Variants in WARS2 observed in about 807,000 individuals in gnomAD.
The protein encoded by WARS2 is tryptophan--tRNA ligase, mitochondrial.
A neutral mutation model predicts 36.5 loss-of-function variants in WARS2; 28 were observed. The observed-to-expected ratio is 0.77, with a 90% confidence interval of 0.57 to 1.05. The LOEUF is 1.05. WARS2 is among the 50% of genes least tolerant of loss of function. The pLI is 0.00. For missense variants in WARS2, 435 were observed against 456.8 expected (o/e 0.95, Z 0.44); for synonymous variants, 174 against 178.4 (o/e 0.98, Z 0.20).
chr1:119,131,700 A>G (rs1656126737), intron 1 of WARS2, among the ~76,000 whole-genome samples: 1 of 151,986 alleles, frequency 6.6e-6, no homozygotes. Context: ...TGACCTCGTG[A>G]TCTGCCCGCC....
chr1:119,140,609 G>T lies in WARS2; in HGVS notation c.36C>A (p.Arg12=). 1.2e-6 allele frequency: 2 copies of T among 1,613,948 alleles called. No individual in the cohort carries two copies. The highest frequency in any genetic ancestry group is 8.5e-7 in the Non-Finnish European group (1 of 1,179,888). Residue 12 remains arginine (R), a synonymous_variant, in exon 1 of 6, where the codon CGC becomes CGA. Coordinates refer to ENST00000235521, the MANE Select transcript of WARS2 (RefSeq NM_015836.4). ...TATGAAGTGCCCGGATGAAGCTCCA[G>T]CGCTCACGCGCTTTCCGCATTGAGT... ...ALHSMRKARE[R]WSFIRALHKG...
At chr1:119,076,733 C>A in intron 1 of WARS2, 126 bp from the exon 2 acceptor site, 1 of 1,395,208 alleles carries the variant, frequency 7.2e-7, no homozygotes, top group Non-Finnish European at 9.7e-7. Context: ...TCATCATCAT[C>A]CATTTATTTT....
intron 1 of WARS2, chr1:119,085,045 A>C: frequency 1.5e-6 from 1 of 676,730 alleles, no homozygotes; most frequent in Non-Finnish European, 2.7e-6. Flanking sequence ...TGCTCCCGGC[A>C]GCGCTGGGTC....
At chr1:119,123,554 G>T (rs994411712) in intron 1 of WARS2, among the ~76,000 whole-genome samples, 7 of 150,508 alleles carry the variant, frequency 4.7e-5, no homozygotes, top group African/African-American at 1.7e-4. Flanking sequence ...TGTCAGGGAG[G>T]GGAGGGTGTT....
intron 4 of WARS2, among the ~76,000 whole-genome samples, 173 bp downstream of exon 4, chr1:119,042,091 G>GT (rs1648414617): frequency 6.6e-6 from 1 of 152,116 alleles, no homozygotes; most frequent in African/African-American, 2.4e-5. Flanking sequence ...CATTATACAT[G>GT]TAGAAACATA....
chr1:119,126,267 G>A (rs1410777216), intron 1 of WARS2, among the ~76,000 whole-genome samples: 16 of 136,984 alleles, frequency 1.2e-4, no homozygotes, highest in South Asian at 2.3e-4. Flanking sequence ...GAGCAGTTTT[G>A]AAAAAAAAAA....
chr1:119,082,884 A>G (rs1261769948), intron 1 of WARS2, among the ~76,000 whole-genome samples: 1 of 152,164 alleles, frequency 6.6e-6, no homozygotes, highest in Non-Finnish European at 1.5e-5. Flanking sequence ...CCTTTTAGAA[A>G]GTGATTAAGT....
chr1:119,046,285 GTTTTTTTTTTTT>G (rs71070781), intron 2 of WARS2, among the ~76,000 whole-genome samples: 1 of 101,496 alleles, frequency 9.9e-6, no homozygotes, highest in Non-Finnish European at 1.9e-5. Context: ...CTCCTTTTCT[GTTTTTTTTTTTT>G]TTTTTTTTTT....
chr1:119,061,958 T>G (rs1463844045), intron 2 of WARS2, among the ~76,000 whole-genome samples: 1 of 152,164 alleles, frequency 6.6e-6, no homozygotes, highest in Non-Finnish European at 1.5e-5. Context: ...TGAGAGAAAG[T>G]AATAGTTTAG....
rs192289549 is a variant in WARS2 at position 119,033,135 on chromosome 1, C to G, written c.859G>C (p.Val287Leu). ...AVHAAVTGLS[V>L]EEVVRRSAGM... is the part of the protein sequence containing the mutation. ...GCGCTGCGGCGCACCACTTCCTCCA[C>G]GGAGAGCCCCGTCACCGCGGCATGC... is the stretch of plus-strand genomic sequence containing the variant. The change falls in exon 6 of 6, where the codon GTG becomes CTG. Residue 287 changes from valine (V) to leucine (L), a missense_variant. By Grantham distance (32) the Val-to-Leu change is conservative (BLOSUM62 1). Transcript: ENST00000235521. 1.2e-6 allele frequency: 2 copies of G among 1,614,180 alleles called. No homozygotes were observed. The highest frequency in any genetic ancestry group is 2.7e-5 in the African/African-American group (2 of 75,082).
intron 1 of WARS2, chr1:119,085,099 T>C: frequency 2.6e-6 from 2 of 774,824 alleles, no homozygotes; most frequent in Middle Eastern, 2.9e-4. Flanking sequence ...CCTCTACTTC[T>C]ATGACTACGC....
intron 1 of WARS2, among the ~76,000 whole-genome samples, chr1:119,080,424 G>A (rs587611755): frequency 3.3e-5 from 5 of 152,270 alleles, no homozygotes; most frequent in South Asian, 2.1e-4. Flanking sequence ...TGACCAGTGG[G>A]AATGGGCTAG....
Position 119,048,792 on chromosome 1 carries a change from G to A in WARS2, c.349-3130C>T, listed in dbSNP as rs1482244989. 1.4e-5 allele frequency among the ~76,000 whole-genome samples: 2 copies of A among 145,706 alleles called. 1 individual carries two copies. The highest frequency in any genetic ancestry group is 4.3e-4 in the South Asian group (2 of 4,660). The stretch of plus-strand genomic sequence containing the variant: ...TAAAAACCCCAAGACCCGGCCAGGC[G>A]CGGTGGCTCACGCCTGTAATCATCA... On this transcript the variant is annotated intron_variant, in intron 2 of 5. Coordinates refer to ENST00000235521, the MANE Select transcript of WARS2 (RefSeq NM_015836.4).
At chr1:119,056,543 A>G (rs148509737) in intron 2 of WARS2, among the ~76,000 whole-genome samples, 17 of 148,068 alleles carry the variant, frequency 1.1e-4, no homozygotes, top group Admixed American at 4.7e-4. Flanking sequence ...TATAATATAT[A>G]TATATACTAA....
intron 2 of WARS2, among the ~76,000 whole-genome samples, chr1:119,055,109 G>A (rs993523367): frequency 2.0e-5 from 3 of 152,244 alleles, no homozygotes; most frequent in Middle Eastern, 3.4e-3. Flanking sequence ...TATTTCTCAA[G>A]TTGGAAAAAA....
intron 1 of WARS2, among the ~76,000 whole-genome samples, chr1:119,119,655 T>C (rs1004432652): frequency 3.3e-5 from 5 of 152,094 alleles, no homozygotes; most frequent in Non-Finnish European, 7.4e-5. Flanking sequence ...GACCATATGA[T>C]AGACCACAAA....
At chr1:119,131,756 G>A (rs761873658) in intron 1 of WARS2, among the ~76,000 whole-genome samples, 3 of 151,988 alleles carry the variant, frequency 2.0e-5, no homozygotes, top group South Asian at 2.1e-4. Context: ...CCACAGCGCC[G>A]GCCCGGACTG....
chr1:119,081,670 A>G (rs892367204), intron 1 of WARS2, among the ~76,000 whole-genome samples: 1 of 152,190 alleles, frequency 6.6e-6, no homozygotes, highest in East Asian at 1.9e-4. Flanking sequence ...ATTTTAAAAT[A>G]TTGTTTAAAG....
chr1:119,114,147 G>A (rs184730475), intron 1 of WARS2, among the ~76,000 whole-genome samples: 2 of 152,282 alleles, frequency 1.3e-5, no homozygotes, highest in South Asian at 2.1e-4. Flanking sequence ...GGTAGGAGAT[G>A]GTGGGGCCAG....
Sources: gnomAD v4.1 joint callset for allele counts (sites outside exome capture counted in the v4.1 genomes callset) on GRCh38, gnomAD v4.1.1 for gene constraint, MANE v1.5 for transcripts, NCBI Gene and HGNC (gene_info 2026-07-23, HGNC 2026-07-21) for gene names.